Variants in ITPA observed in about 807,000 individuals in gnomAD.
ITPA encodes inosine triphosphatase, also known as inosine triphosphate pyrophosphatase.
Under a neutral mutation model 29.6 loss-of-function variants are expected in ITPA, and 29 were observed. That is an observed-to-expected ratio of 0.98 (90% CI 0.73 to 1.34). The LOEUF (loss-of-function observed/expected upper bound fraction) is 1.34, where lower values mean the gene tolerates loss of function less well. Ranked by LOEUF, ITPA falls within the 40% of genes most tolerant of loss-of-function variation. The pLI is 0.00. For missense variants in ITPA, 241 were observed against 251.5 expected (o/e 0.96, Z 0.28); for synonymous variants, 103 against 99.3 (o/e 1.04, Z -0.22).
At position 3,209,514 on chromosome 20, in the gene ITPA, G is replaced by C. The variant is rs2067121623; in HGVS notation, c.-38G>C. 1.3e-6 allele frequency: 2 copies of C among 1,592,932 alleles called. No individual in the cohort carries two copies. The highest frequency in any genetic ancestry group is 2.7e-5 in the African/African-American group (2 of 74,480). ...AAGTTTTCTGTCACTGGACGCCAAG[G>C]AGTTTTCGGTGGCTCAGCTGGGTAA... On this transcript the variant is annotated 5_prime_UTR_variant, in exon 1 of 8. Transcript: ENST00000380113. This position sits in a 1 kb window ranked among gnomAD's most constrained non-coding sequence, Gnocchi z 4.6.
chr20:3,213,134 G>A, intron 1 of ITPA, 35 bp from the exon 2 acceptor site: 1 of 1,585,234 alleles, frequency 6.3e-7, no homozygotes, highest in Non-Finnish European at 8.7e-7. Flanking sequence ...AGAATCACTA[G>A]ATGGTGATAA....
intron 6 of ITPA, chr20:3,218,890 GTGT>G (rs1296196606): frequency 9.2e-6 from 5 of 544,474 alleles, no homozygotes; most frequent in East Asian, 3.2e-5. Context: ...GACAATGGAA[GTGT>G]TGTCAATTCT....
downstream of ITPA, among the ~76,000 whole-genome samples, chr20:3,226,490 G>T (rs1020931152): frequency 6.6e-6 from 1 of 152,120 alleles, no homozygotes; most frequent in Non-Finnish European, 1.5e-5. This position sits in a 1 kb window ranked among gnomAD's most constrained non-coding sequence, Gnocchi z 4.4. Context: ...TCAGCACCAG[G>T]CTACCCAGTG....
chr20:3,212,995 G>A (rs966177560), intron 1 of ITPA, among the ~76,000 whole-genome samples, 174 bp from the exon 2 acceptor site: 1 of 152,074 alleles, frequency 6.6e-6, no homozygotes, highest in Admixed American at 6.6e-5. Flanking sequence ...GAGATGGAAG[G>A]GGCTGGCTTG....
At chr20:3,219,205 T>C (rs1197956984) in intron 6 of ITPA, 1 of 94,708 alleles carries the variant, frequency 1.1e-5, no homozygotes, top group Non-Finnish European at 2.2e-5. Flanking sequence ...TCTTTTTTTT[T>C]TTTTTTTTTT....
In ITPA at chr20:3,210,754, A is replaced by G. The variant is rs558022783; in HGVS notation, c.66+1137A>G. On this transcript the variant is annotated intron_variant, in intron 1 of 7. Coordinates refer to ENST00000380113, the MANE Select transcript of ITPA (RefSeq NM_033453.4). ...CTGGCTGAGAATATTGCCCTCACTT[A>G]AAGAAGGAGCTGGAACCCGAGTGCA... Among the ~76,000 whole-genome samples the G allele has an allele frequency of 1.2e-4, 19 of 152,272 alleles. 1 individual carries two copies. The highest frequency in any genetic ancestry group is 3.6e-4 in the African/African-American group (15 of 41,558).
chr20:3,209,600 G>A lies in ITPA; in HGVS notation c.49G>A (p.Ala17Thr). Reference sequence around the variant, plus strand: ...GAAGATCGTGTTTGTAACGGGGAACGCCAAGAAGCTGGAGGAGGTGCCGGG... The same window carrying A: ...GAAGATCGTGTTTGTAACGGGGAACACCAAGAAGCTGGAGGAGGTGCCGGG... ...GKKIVFVTGNAKKLEEVVQIL... is the reference protein window; with the variant it reads ...GKKIVFVTGNTKKLEEVVQIL... The change falls in exon 1 of 8, where the codon GCC (alanine) becomes ACC (threonine). Residue 17 changes from alanine to threonine, a missense_variant. By Grantham distance (58) the Ala-to-Thr change is moderately conservative. Coordinates refer to ENST00000380113, the MANE Select transcript of ITPA (RefSeq NM_033453.4). This position sits in a 1 kb window ranked among gnomAD's most constrained non-coding sequence, Gnocchi z 4.6. The A allele has an allele frequency of 6.2e-7, 1 of 1,614,078 alleles. No homozygotes were observed. Among genetic ancestry groups the A allele is most frequent in the South Asian group, 1.1e-5 (1 of 91,086 alleles).
intron 1 of ITPA, among the ~76,000 whole-genome samples, chr20:3,211,567 A>G (rs2067175802): frequency 6.6e-6 from 1 of 151,988 alleles, no homozygotes; most frequent in Admixed American, 6.6e-5. Context: ...ATCTCAGCTC[A>G]CTGCAACCTC....
chr20:3,204,510 C>T, upstream of ITPA: 1 of 1,542,990 alleles, frequency 6.5e-7, no homozygotes. Context: ...CCGGTACCAC[C>T]AACCCTGGTG....
downstream of ITPA, among the ~76,000 whole-genome samples, chr20:3,225,221 A>T (rs2067542368): frequency 6.6e-6 from 1 of 152,084 alleles, no homozygotes; most frequent in African/African-American, 2.4e-5. Flanking sequence ...AAACATGTGT[A>T]TTTGGTCTTT....
At chr20:3,213,861 T>G in intron 3 of ITPA, 124 bp from the exon 4 acceptor site, 1 of 948,282 alleles carries the variant, frequency 1.1e-6, no homozygotes, top group Non-Finnish European at 1.7e-6. Context: ...GCTCCCATGG[T>G]GCTGTCTGCC....
At chr20:3,216,941 T>C (rs959650546) in intron 5 of ITPA, among the ~76,000 whole-genome samples, 3 of 151,362 alleles carry the variant, frequency 2.0e-5, no homozygotes, top group Non-Finnish European at 4.4e-5. Flanking sequence ...AGTGCAGTGG[T>C]GTGATCTTGG....
chr20:3,204,783 T>TGG, upstream of ITPA: 1 of 674,474 alleles, frequency 1.5e-6, no homozygotes, highest in Non-Finnish European at 2.5e-6. Context: ...AAAATGAGTT[T>TGG]GGGGGGTGTA....
upstream of ITPA, among the ~76,000 whole-genome samples, chr20:3,207,887 C>CA (rs1265304519): frequency 6.7e-6 from 1 of 149,934 alleles, no homozygotes; most frequent in Non-Finnish European, 1.5e-5. Context: ...CCCAGCTACT[C>CA]AGGAGGCTGA....
rs142574480 is a variant in ITPA, at chr20:3,213,226, C to T, written c.124C>T (p.Leu42=). 363 of 1,614,096 alleles carry T rather than the reference C, an allele frequency of 2.2e-4. 1 individual carries two copies. Among genetic ancestry groups the T allele is most frequent in the African/African-American group, 1.9e-3 (146 of 75,012 alleles). ...CACTTTGGTGGCACAGAAAATTGAC[C>T]GTATGTCTCTGTTTTGTTTTATTTT... ...PCTLVAQKID[L]PEYQGEPDEI... The change falls in exon 2 of 8, where the codon CTG becomes TTG. Residue 42 remains leucine (L), a splice_region_variant and synonymous_variant. Coordinates refer to ENST00000380113, the MANE Select transcript of ITPA (RefSeq NM_033453.4).
At chr20:3,221,216 T>C (rs973472335) in intron 6 of ITPA, among the ~76,000 whole-genome samples, 8 of 149,952 alleles carry the variant, frequency 5.3e-5, no homozygotes, top group Admixed American at 2.7e-4. Flanking sequence ...TTTTCTTTCT[T>C]TTTTTTTTTT....
chr20:3,221,501 GTCTA>G (rs922298409), intron 6 of ITPA, among the ~76,000 whole-genome samples: 3 of 149,418 alleles, frequency 2.0e-5, no homozygotes, highest in African/African-American at 7.3e-5. Context: ...AACGTTTTCT[GTCTA>G]TCTTTCTTTC....
chr20:3,211,129 G>A (rs2067162567), intron 1 of ITPA, among the ~76,000 whole-genome samples: 2 of 150,278 alleles, frequency 1.3e-5, no homozygotes, highest in African/African-American at 2.4e-5. Flanking sequence ...ACTCCTTGGA[G>A]AACATGGACT....
intron 6 of ITPA, among the ~76,000 whole-genome samples, chr20:3,221,206 TTTTC>T (rs1403081124): frequency 3.4e-5 from 5 of 145,078 alleles, no homozygotes; most frequent in Non-Finnish European, 7.4e-5. Flanking sequence ...TTTCTTTTTC[TTTTC>T]TTTCTTTTTT....
Sources: gnomAD v4.1 joint callset for allele counts (sites outside exome capture counted in the v4.1 genomes callset) on GRCh38, gnomAD v4.1.1 for gene constraint, Gnocchi (gnomAD v3.1) non-coding constraint, MANE v1.5 for transcripts, NCBI Gene and HGNC (gene_info 2026-07-23, HGNC 2026-07-21) for gene names.